SULF2: variants seen among roughly 807,000 people sequenced by gnomAD.
The protein encoded by SULF2 is extracellular sulfatase Sulf-2.
SULF2 carries 52 observed loss-of-function variants against 107.7 expected under a neutral mutation model. The observed-to-expected ratio is 0.48, with a 90% CI of 0.39 to 0.61. SULF2 has a LOEUF of 0.61. Among genes scored for constraint, SULF2 ranks in the 20% least tolerant of loss-of-function variants. SULF2 has a pLI of 0.00. For synonymous variants in SULF2, 460 were observed against 464.3 expected, an observed-to-expected ratio of 0.99 and a Z score of 0.12; for missense variants, 993 against 1,177.3, an observed-to-expected ratio of 0.84 and a Z score of 2.29.
intron 18 of SULF2, among the ~76,000 whole-genome samples, chr20:47,661,122 A>G (rs2087051640): frequency 6.6e-6 from 1 of 151,996 alleles, no homozygotes; most frequent in Admixed American, 6.5e-5. Context: ...TGGCCTAGGA[A>G]GCCCCACACA....
intron 20 of SULF2, among the ~76,000 whole-genome samples, chr20:47,658,993 A>G (rs938976384): frequency 5.9e-5 from 9 of 152,172 alleles, no homozygotes; most frequent in Admixed American, 2.6e-4. Context: ...TCAGCCTCCA[A>G]TGGCACTGGA....
chr20:47,681,665 C>T (rs950124198), intron 7 of SULF2, among the ~76,000 whole-genome samples: 2 of 152,210 alleles, frequency 1.3e-5, no homozygotes, highest in African/African-American at 4.8e-5. Flanking sequence ...ATCCACGTCA[C>T]AGGGCAGTTG....
chr20:47,699,533 T>A (rs971685449), intron 4 of SULF2, among the ~76,000 whole-genome samples: 45 of 150,192 alleles, frequency 3.0e-4, no homozygotes, highest in African/African-American at 1.1e-3. Flanking sequence ...GTTGAGGCTC[T>A]TAGGAGTACG....
At chr20:47,771,722 C>T (rs1303274416) in intron 1 of SULF2, among the ~76,000 whole-genome samples, 1 of 152,010 alleles carries the variant, frequency 6.6e-6, no homozygotes, top group African/African-American at 2.4e-5. Flanking sequence ...GGGGCGGGGG[C>T]AGTGATGATG....
At chr20:47,739,425 C>T (rs1370943701) in intron 2 of SULF2, among the ~76,000 whole-genome samples, 1 of 152,190 alleles carries the variant, frequency 6.6e-6, no homozygotes, top group Non-Finnish European at 1.5e-5. Flanking sequence ...CCCAGTATTG[C>T]ACATTGGCCG....
At chr20:47,754,152 A>G (rs1174064348) in intron 2 of SULF2, among the ~76,000 whole-genome samples, 1 of 152,128 alleles carries the variant, frequency 6.6e-6, no homozygotes, top group East Asian at 1.9e-4. Context: ...CAATTAGGAA[A>G]CAGAACAAGC....
At chr20:47,697,538 C>T (rs542334341) in intron 4 of SULF2, among the ~76,000 whole-genome samples, 10 of 152,302 alleles carry the variant, frequency 6.6e-5, no homozygotes, top group South Asian at 2.1e-4. Context: ...GTTCCCTTGA[C>T]GCTTGGGCTC....
chr20:47,747,788 C>T (rs2090076923), intron 2 of SULF2, among the ~76,000 whole-genome samples: 1 of 152,010 alleles, frequency 6.6e-6, no homozygotes, highest in Non-Finnish European at 1.5e-5. Flanking sequence ...AATGGCACTG[C>T]CATCTGCCCA....
At chr20:47,726,758 A>G (rs1041662558) in intron 3 of SULF2, among the ~76,000 whole-genome samples, 1 of 152,218 alleles carries the variant, frequency 6.6e-6, no homozygotes, top group African/African-American at 2.4e-5. Context: ...AGCACCTAGG[A>G]GAGGACTACA....
Position 47,657,658 on chromosome 20 carries a change from C to T in SULF2, c.*704G>A, listed in dbSNP as rs2086938666. The T allele has an allele frequency of 6.6e-6, 1 of 152,182 alleles. No individual in the cohort carries two copies. The highest frequency in any genetic ancestry group is 6.5e-5 in the Admixed American group (1 of 15,274). The allele number at this position is 152,182 out of a possible 1,614,324, so 9.4% of individuals were successfully genotyped here. The stretch of plus-strand genomic sequence containing the variant: ...TGGACAGGAACAGAAATGTCCACAA[C>T]TGCGAGGGATTTTCTTTTACACTGG... On this transcript the variant is annotated 3_prime_UTR_variant, in exon 21 of 21. Coordinates refer to ENST00000688720, the MANE Select transcript of SULF2 (RefSeq NM_001387048.1).
At chr20:47,732,401 C>G (rs1039335254) in intron 3 of SULF2, among the ~76,000 whole-genome samples, 3 of 152,222 alleles carry the variant, frequency 2.0e-5, no homozygotes, top group Non-Finnish European at 4.4e-5. Flanking sequence ...AGCTAATGCC[C>G]TCAACCACTC....
chr20:47,772,515 C>T (rs1017191329), intron 1 of SULF2, among the ~76,000 whole-genome samples: 2 of 152,184 alleles, frequency 1.3e-5, no homozygotes, highest in African/African-American at 4.8e-5. Context: ...AGTAGGTCTC[C>T]TTGAAGACCA....
intron 3 of SULF2, among the ~76,000 whole-genome samples, chr20:47,723,176 G>A (rs6125090): frequency 0.16 from 24,483 of 151,854 alleles, 2,111 homozygotes; most frequent in East Asian, 0.26. Context: ...CCTGGGAGTT[G>A]GAGGTTGCAG....
intron 1 of SULF2, among the ~76,000 whole-genome samples, chr20:47,783,717 C>A (rs1031402445): frequency 6.6e-6 from 1 of 152,198 alleles, no homozygotes; most frequent in African/African-American, 2.4e-5. Flanking sequence ...GCCAACATCA[C>A]GGCCTTTATG....
chr20:47,748,082 G>T lies in SULF2; in HGVS notation c.175+9107C>A, dbSNP rs73315768. On this transcript the variant is annotated intron_variant, in intron 2 of 20. Coordinates refer to ENST00000688720, the MANE Select transcript of SULF2 (RefSeq NM_001387048.1). ...CATGCACGCATAGCTGACCAGCTCA[G>T]AACATTCTGGGGACCTTCCATCGGG... Among the ~76,000 whole-genome samples the T allele has an allele frequency of 5.4e-3, 825 of 152,300 alleles. 7 individuals carry two copies. Among genetic ancestry groups the T allele is most frequent in the African/African-American group, 0.019 (769 of 41,564 alleles).
intron 3 of SULF2, among the ~76,000 whole-genome samples, chr20:47,707,819 T>C (rs997373483): frequency 4.6e-5 from 7 of 152,232 alleles, no homozygotes; most frequent in Non-Finnish European, 8.8e-5. Context: ...ACCTGCGTTT[T>C]TGTTACACCC....
intron 1 of SULF2, among the ~76,000 whole-genome samples, chr20:47,775,063 T>A (rs556727831): frequency 1.3e-5 from 2 of 152,260 alleles, no homozygotes; most frequent in African/African-American, 4.8e-5. Flanking sequence ...CTACTTGCAG[T>A]CTGTGATGAA....
At chr20:47,704,393 C>T (rs2088663189) in intron 3 of SULF2, among the ~76,000 whole-genome samples, 1 of 152,122 alleles carries the variant, frequency 6.6e-6, no homozygotes, top group Non-Finnish European at 1.5e-5. Flanking sequence ...CCACCTCATC[C>T]TCCCGAGTAG....
chr20:47,687,654 T>C (rs2088055489), intron 5 of SULF2, among the ~76,000 whole-genome samples: 1 of 151,626 alleles, frequency 6.6e-6, no homozygotes, highest in Non-Finnish European at 1.5e-5. Context: ...TTTGTTTGCG[T>C]GTGTGTATGT....
Sources: allele counts gnomAD v4.1 joint callset (sites outside exome capture counted in the v4.1 genomes callset), GRCh38; gene constraint gnomAD v4.1.1; transcripts MANE v1.5; gene names NCBI Gene and HGNC (gene_info 2026-07-23, HGNC 2026-07-21).